SMARCA4: variants seen among roughly 807,000 people sequenced by gnomAD.
SMARCA4 encodes SWI/SNF related BAF chromatin remodeling complex subunit ATPase 4.
In SMARCA4, 31 loss-of-function variants were observed where a neutral mutation model predicts 193.9. That is an observed-to-expected ratio of 0.16 (90% CI 0.12 to 0.22). SMARCA4 has a LOEUF of 0.22. Ranked by LOEUF, SMARCA4 falls within the 10% of genes least tolerant of loss-of-function variation. The pLI is 1.00. For missense variants in SMARCA4, 1,148 were observed against 2,296.0 expected (o/e 0.50, Z 10.22); for synonymous variants, 942 against 933.1 (o/e 1.01, Z -0.17).
chr19:11,045,516 C>T (rs1773282326), intron 30 of SMARCA4, among the ~76,000 whole-genome samples: 1 of 152,158 alleles, frequency 6.6e-6, no homozygotes, highest in Admixed American at 6.5e-5. Context: ...CCAAGGTGTA[C>T]ACATGAGATA....
Position 10,985,543 on chromosome 19 carries a change from G to A in SMARCA4, c.355+138G>A. 7.5e-6 allele frequency: 8 copies of A among 1,062,140 alleles called. No individual in the cohort carries two copies. The South Asian group carries it at 9.6e-5, about 13-fold the overall frequency. 65.8% of individuals were successfully genotyped at this position (1,062,140 alleles called of 1,614,324 possible). A position where few individuals can be genotyped will look rare whatever the true frequency, so the allele number is the denominator to read the frequency against. On this transcript the variant is annotated intron_variant, in intron 3 of 34. Coordinates refer to ENST00000344626, the MANE Select transcript of SMARCA4 (RefSeq NM_003072.5). The surrounding 1 kb of genome is among the most constrained non-coding windows in gnomAD (Gnocchi z 4.5). ...AGCCGGGTGGGTGGCCCGCCACAGA[G>A]AGCTGTCTGGCATGGCGTGGCTGGT...
intron 22 of SMARCA4, 103 bp from the exon 23 acceptor site, chr19:11,026,197 T>G: frequency 1.1e-6 from 1 of 906,476 alleles, no homozygotes; most frequent in Non-Finnish European, 1.9e-6. Context: ...GAGCACACAG[T>G]GTGGGGGCTT....
In SMARCA4 at chr19:11,010,538, T is replaced by C. The variant is rs2146239614; in HGVS notation, c.2274+7T>C. 6.2e-7 allele frequency: 1 copy of C among 1,612,890 alleles called. No individual in the cohort carries two copies. Among genetic ancestry groups the C allele is most frequent in the Non-Finnish European group, 8.5e-7 (1 of 1,179,830 alleles). Reference sequence around the variant, plus strand: ...TGTCCTCAAACAGTACCAGGTGAGGTAGGGGGTGGGGAGGCCACCGCCACG... The same window carrying C: ...TGTCCTCAAACAGTACCAGGTGAGGCAGGGGGTGGGGAGGCCACCGCCACG... On this transcript the variant is annotated splice_region_variant and intron_variant, in intron 15 of 34. Transcript: ENST00000344626.
intron 16 of SMARCA4, among the ~76,000 whole-genome samples, chr19:11,017,856 C>T (rs1196998502): frequency 1.3e-5 from 2 of 152,348 alleles, no homozygotes; most frequent in East Asian, 1.9e-4. Flanking sequence ...CCTCAGGCTC[C>T]TTACCTCATG....
chr19:11,059,990 G>A (rs2147121019), intron 33 of SMARCA4, 55 bp from the exon 34 acceptor site: 2 of 1,609,072 alleles, frequency 1.2e-6, no homozygotes, highest in Non-Finnish European at 8.5e-7. Flanking sequence ...CCCTTGCTGT[G>A]GGGGTGCTGC....
Position 11,019,137 on chromosome 19 carries a change from G to C in SMARCA4, c.2505+114G>C. On this transcript the variant is annotated intron_variant, in intron 17 of 34. Transcript: ENST00000344626. The surrounding 1 kb of genome is among the most constrained non-coding windows in gnomAD (Gnocchi z 6.1). ...ACCTGAGAATGCTGGGTCTCCAGTC[G>C]CATGGAGTCTCCAGGACAGCCTGGA... The C allele has an allele frequency of 1.2e-6, 1 of 835,410 alleles. No individual in the cohort carries two copies. Among genetic ancestry groups the C allele is most frequent in the Non-Finnish European group, 2.1e-6 (1 of 484,850 alleles). The allele number at this position is 835,410 out of a possible 1,614,324, so 51.7% of individuals were successfully genotyped here.
Position 11,034,907 on chromosome 19 carries a change from C to T in SMARCA4, c.3952-7C>T, listed in dbSNP as rs1228057193. ...GATGCCTCTCCCGTTGCCTCCCTGC[C>T]CACCAGCGCATGGACCTGGACCGCA... On this transcript the variant is annotated splice_region_variant and splice_polypyrimidine_tract_variant and intron_variant, in intron 28 of 34. Transcript: ENST00000344626. The surrounding 1 kb of genome is among the most constrained non-coding windows in gnomAD (Gnocchi z 7.0). 3 of 1,550,732 alleles carry T rather than the reference C, an allele frequency of 1.9e-6. No homozygotes were observed. Among genetic ancestry groups the T allele is most frequent in the Non-Finnish European group, 1.7e-6 (2 of 1,146,564 alleles).
chr19:10,999,346 C>G (rs1012582046), intron 11 of SMARCA4, among the ~76,000 whole-genome samples: 3 of 152,084 alleles, frequency 2.0e-5, no homozygotes, highest in African/African-American at 7.2e-5. Context: ...TACTCATCTG[C>G]ATTGCTGTTT....
At chr19:11,055,824 G>A (rs1321315958) in intron 30 of SMARCA4, among the ~76,000 whole-genome samples, 1 of 151,748 alleles carries the variant, frequency 6.6e-6, no homozygotes, top group Non-Finnish European at 1.5e-5. Flanking sequence ...AAACTCCTGG[G>A]CTCAAGCAAT....
At chr19:11,044,974 C>T (rs1363064953) in intron 30 of SMARCA4, among the ~76,000 whole-genome samples, 1 of 152,250 alleles carries the variant, frequency 6.6e-6, no homozygotes, top group African/African-American at 2.4e-5. Flanking sequence ...AGACATAGTA[C>T]TGCTACCTGG....
intron 7 of SMARCA4, 146 bp downstream of exon 7, chr19:10,989,589 C>G: frequency 1.1e-6 from 1 of 879,140 alleles, no homozygotes. Flanking sequence ...CACTCAATCA[C>G]TGCAGAGCCT....
intron 1 of SMARCA4, among the ~76,000 whole-genome samples, chr19:10,968,856 C>T (rs567928286): frequency 2.8e-4 from 43 of 152,256 alleles, no homozygotes; most frequent in African/African-American, 8.4e-4. Context: ...TGAAACTGCC[C>T]CTGTGATGAT....
chr19:11,005,419 G>T (rs576859331), intron 13 of SMARCA4, among the ~76,000 whole-genome samples: 5 of 152,298 alleles, frequency 3.3e-5, no homozygotes, highest in South Asian at 2.1e-4. Context: ...TCCAAAGATT[G>T]GCCACAGTTT....
intron 30 of SMARCA4, among the ~76,000 whole-genome samples, chr19:11,046,491 G>C (rs1398210210): frequency 1.3e-5 from 2 of 152,172 alleles, no homozygotes; most frequent in African/African-American, 4.8e-5. Flanking sequence ...TCGCCCATTG[G>C]ACTGGGAGTA....
Position 11,050,572 on chromosome 19 carries a change from G to A in SMARCA4, c.4425-7683G>A, listed in dbSNP as rs577357049. Among the ~76,000 whole-genome samples the A allele has an allele frequency of 2.0e-5, 3 of 152,382 alleles. No homozygotes were observed. In the South Asian group the frequency reaches 6.2e-4, roughly 32 times the overall value. On this transcript the variant is annotated intron_variant, in intron 30 of 34. Coordinates refer to ENST00000344626, the MANE Select transcript of SMARCA4 (RefSeq NM_003072.5). ...ACAGCTTTGGCCTGGGTCTGGCAGG[G>A]GCTGGCTGCTACTGCTGAAGGCCTG...
At chr19:11,038,142 G>A (rs1410147104) in intron 29 of SMARCA4, among the ~76,000 whole-genome samples, 5 of 152,170 alleles carry the variant, frequency 3.3e-5, no homozygotes, top group African/African-American at 1.2e-4. Flanking sequence ...AACCCACGGT[G>A]TGGGCAGGGC....
chr19:11,010,920 C>G, intron 15 of SMARCA4: 1 of 340,934 alleles, frequency 2.9e-6, no homozygotes, highest in South Asian at 2.4e-5. Context: ...TCTGCATGCT[C>G]AGGACAGGTT....
At chr19:10,974,654 T>C (rs1222982556) in intron 1 of SMARCA4, among the ~76,000 whole-genome samples, 1 of 133,154 alleles carries the variant, frequency 7.5e-6, no homozygotes, top group African/African-American at 2.8e-5. Flanking sequence ...TTTCTATGCA[T>C]GGATTAACAT....
chr19:11,002,939 A>G, intron 11 of SMARCA4, 90 bp from the exon 12 acceptor site: 1 of 1,457,222 alleles, frequency 6.9e-7, no homozygotes, highest in Non-Finnish European at 9.6e-7. Flanking sequence ...CTGTGCAAAC[A>G]GTTGAGTGGG....
Sources: allele counts gnomAD v4.1 joint callset (sites outside exome capture counted in the v4.1 genomes callset), GRCh38; gene constraint gnomAD v4.1.1; non-coding constraint Gnocchi (gnomAD v3.1); transcripts MANE v1.5; gene names NCBI Gene and HGNC (gene_info 2026-07-23, HGNC 2026-07-21).